The following RB1 variants were observed in gnomAD, a reference collection of about 807,000 sequenced individuals.
RB1 encodes retinoblastoma-associated protein.
Under a neutral mutation model 135.4 loss-of-function variants are expected in RB1, and 18 were observed. That is an observed-to-expected ratio of 0.13 (90% CI 0.09 to 0.20). RB1 has a LOEUF of 0.20. Ranked by LOEUF, RB1 falls within the 10% of genes least tolerant of loss-of-function variation. The pLI is 1.00. For synonymous variants in RB1, 365 were observed against 373.2 expected, an observed-to-expected ratio of 0.98 and a Z score of 0.25; for missense variants, 868 against 1,110.0, an observed-to-expected ratio of 0.78 and a Z score of 3.10.
chr13:48,445,488 C>A (rs965925920), intron 17 of RB1, among the ~76,000 whole-genome samples: 1 of 152,204 alleles, frequency 6.6e-6, no homozygotes, highest in Non-Finnish European at 1.5e-5. Flanking sequence ...TGGCCTCTTT[C>A]ATTTTCTGAA....
At chr13:48,464,391 T>A (rs908442535) in intron 21 of RB1, among the ~76,000 whole-genome samples, 1 of 152,242 alleles carries the variant, frequency 6.6e-6, no homozygotes. Context: ...TTTGTTTGTA[T>A]GTTTGAAGTT....
At chr13:48,352,955 G>A (rs1347718933) in intron 6 of RB1, among the ~76,000 whole-genome samples, 1 of 152,116 alleles carries the variant, frequency 6.6e-6, no homozygotes, top group East Asian at 1.9e-4. Flanking sequence ...AATGCTTCAA[G>A]CTTCTGCACA....
intron 17 of RB1, among the ~76,000 whole-genome samples, chr13:48,420,793 A>G (rs1189716522): frequency 3.3e-5 from 5 of 152,260 alleles, no homozygotes; most frequent in East Asian, 3.9e-4. Flanking sequence ...CACAAATGCT[A>G]CAAAGAGAAT....
At chr13:48,459,568 A>G in intron 19 of RB1, 120 bp from the exon 20 acceptor site, 1 of 985,818 alleles carries the variant, frequency 1.0e-6, no homozygotes, top group South Asian at 1.3e-5. Context: ...GGTAGAAAAG[A>G]GGTTTCTGTT....
At chr13:48,399,703 G>A (rs1433776864) in intron 17 of RB1, among the ~76,000 whole-genome samples, 1 of 151,938 alleles carries the variant, frequency 6.6e-6, no homozygotes, top group Non-Finnish European at 1.5e-5. Context: ...TGTGTTAAAT[G>A]CTTATGTAAG....
intron 2 of RB1, chr13:48,341,159 T>C (rs1277444187): frequency 6.6e-6 from 1 of 152,112 alleles, no homozygotes; most frequent in Non-Finnish European, 1.5e-5. Context: ...TTCTAGAATT[T>C]CATATGAAAG....
intron 6 of RB1, among the ~76,000 whole-genome samples, chr13:48,359,670 A>G (rs950775826): frequency 6.7e-6 from 1 of 150,060 alleles, no homozygotes; most frequent in Admixed American, 6.6e-5. Context: ...TCTCTGGAGT[A>G]ATACATTCTA....
intron 17 of RB1, among the ~76,000 whole-genome samples, chr13:48,433,602 C>T (rs1320484853): frequency 6.6e-6 from 1 of 151,622 alleles, no homozygotes; most frequent in African/African-American, 2.4e-5. Context: ...TAACTTACAC[C>T]AAATATTATG....
chr13:48,340,481 G>A (rs761413834), intron 2 of RB1, among the ~76,000 whole-genome samples: 4 of 151,562 alleles, frequency 2.6e-5, no homozygotes, highest in Non-Finnish European at 4.4e-5. Context: ...TCATTGTTTT[G>A]ACTACTAAAT....
intron 17 of RB1, among the ~76,000 whole-genome samples, chr13:48,393,725 C>A (rs913340127): frequency 6.6e-6 from 1 of 152,118 alleles, no homozygotes; most frequent in African/African-American, 2.4e-5. Flanking sequence ...CAGAGGGGTG[C>A]TTACTATATG....
Position 48,330,384 on chromosome 13 carries a change from GT to G in RB1, c.265-12208del, listed in dbSNP as rs55824704. On this transcript the variant is annotated intron_variant, in intron 2 of 26. Transcript: ENST00000267163. ...ATAGAAAAGAGCAACAAAATGAAGAGTTTTTTTGAAAAGATAAACAAAATTG... is the reference window on the plus strand; with the variant it reads ...ATAGAAAAGAGCAACAAAATGAAGAGTTTTTTGAAAAGATAAACAAAATTG... 8.9e-3 allele frequency among the ~76,000 whole-genome samples: 1,348 copies of G among 151,878 alleles called. 4 individuals are homozygous for G. The highest frequency in any genetic ancestry group is 0.027 in the Middle Eastern group (8 of 294).
chr13:48,322,620 A>C (rs957212348), intron 2 of RB1, among the ~76,000 whole-genome samples: 3 of 152,148 alleles, frequency 2.0e-5, no homozygotes, highest in Non-Finnish European at 2.9e-5. Flanking sequence ...TTAGTGGGAG[A>C]CCATCCAGTT....
chr13:48,369,924 A>T (rs190428234), intron 11 of RB1, among the ~76,000 whole-genome samples: 3 of 152,292 alleles, frequency 2.0e-5, no homozygotes, highest in Non-Finnish European at 2.9e-5. Flanking sequence ...ATTCCATATC[A>T]CAGAGACCAT....
chr13:48,460,505 G>C (rs918739530), intron 20 of RB1, among the ~76,000 whole-genome samples: 1 of 152,098 alleles, frequency 6.6e-6, no homozygotes, highest in Non-Finnish European at 1.5e-5. Context: ...TTTCTATGTA[G>C]TAGTGAGCTA....
At chr13:48,344,138 C>T (rs1952471653) in intron 3 of RB1, among the ~76,000 whole-genome samples, 2 of 152,090 alleles carry the variant, frequency 1.3e-5, no homozygotes, top group South Asian at 4.1e-4. Context: ...CTTTAATATC[C>T]TATTGGAAAA....
At chr13:48,305,102 C>G (rs187117523) in intron 1 of RB1, among the ~76,000 whole-genome samples, 1 of 152,060 alleles carries the variant, frequency 6.6e-6, no homozygotes. Context: ...ATTGTCAGCA[C>G]TGGTTCTACT....
intron 17 of RB1, among the ~76,000 whole-genome samples, chr13:48,395,228 A>G (rs1004617449): frequency 6.6e-5 from 10 of 152,220 alleles, no homozygotes; most frequent in African/African-American, 4.8e-5. Flanking sequence ...GTCCACACAG[A>G]AACCCCATTT....
intron 17 of RB1, among the ~76,000 whole-genome samples, chr13:48,420,402 T>A (rs1056255305): frequency 2.0e-5 from 3 of 152,184 alleles, no homozygotes; most frequent in Non-Finnish European, 4.4e-5. Context: ...TAATAAGAGC[T>A]ATTTATGGCA....
chr13:48,445,282 G>A (rs1949277389), intron 17 of RB1: 1 of 152,166 alleles, frequency 6.6e-6, no homozygotes, highest in African/African-American at 2.4e-5. Context: ...TGATGTGATA[G>A]GAAGCCAGAC....
Sources: gnomAD v4.1 joint callset for allele counts (sites outside exome capture counted in the v4.1 genomes callset) on GRCh38, gnomAD v4.1.1 for gene constraint, MANE v1.5 for transcripts, NCBI Gene and HGNC (gene_info 2026-07-23, HGNC 2026-07-21) for gene names.